The following ATXN7L1 variants were observed in gnomAD, a reference collection of about 807,000 sequenced individuals.
The protein encoded by ATXN7L1 is ataxin-7-like protein 1.
Under a neutral mutation model 70.8 loss-of-function variants are expected in ATXN7L1, and 15 were observed. The observed-to-expected ratio is 0.21, with a 90% CI of 0.14 to 0.33. The LOEUF (loss-of-function observed/expected upper bound fraction) is 0.33, where lower values mean the gene tolerates loss of function less well. ATXN7L1 is among the 10% of genes least tolerant of loss of function. The pLI is 1.00. For missense variants in ATXN7L1, 975 were observed against 1,097.1 expected, an observed-to-expected ratio of 0.89 and a Z score of 1.57; for synonymous variants, 440 against 445.1, an observed-to-expected ratio of 0.99 and a Z score of 0.14.
At chr7:105,716,008 C>A (rs961947293) in intron 3 of ATXN7L1, among the ~76,000 whole-genome samples, 1 of 151,604 alleles carries the variant, frequency 6.6e-6, no homozygotes, top group South Asian at 2.1e-4. Context: ...GGGGTGGAGG[C>A]GGGGGGGATG....
Position 105,637,838 on chromosome 7 carries a change from C to G in ATXN7L1, c.1202+515G>C, listed in dbSNP as rs553407788. 2.6e-5 allele frequency among the ~76,000 whole-genome samples: 4 copies of G among 152,274 alleles called. No homozygotes were observed. The South Asian group carries it at 8.3e-4, about 32-fold the overall frequency. ...CTGCTATGCCAATTTCCCCTTTCAT[C>G]CTGATGATAGGAGAGCGTGCAAAAC... On this transcript the variant is annotated intron_variant, in intron 7 of 11. Coordinates refer to ENST00000419735, the MANE Select transcript of ATXN7L1 (RefSeq NM_020725.2).
At chr7:105,774,539 G>C (rs1047013431) in intron 3 of ATXN7L1, among the ~76,000 whole-genome samples, 5 of 151,964 alleles carry the variant, frequency 3.3e-5, no homozygotes, top group Admixed American at 3.3e-4. Flanking sequence ...TTTTAGTAGA[G>C]ACGGGGTTTT....
At chr7:105,847,803 T>C (rs984497101) in intron 2 of ATXN7L1, among the ~76,000 whole-genome samples, 1 of 152,250 alleles carries the variant, frequency 6.6e-6, no homozygotes, top group Non-Finnish European at 1.5e-5. Context: ...GTTCAGTAAA[T>C]GGTAGTTTTT....
At chr7:105,675,181 C>T (rs1015073964) in intron 3 of ATXN7L1, among the ~76,000 whole-genome samples, 3 of 152,096 alleles carry the variant, frequency 2.0e-5, no homozygotes, top group African/African-American at 7.2e-5. Context: ...CTACAAGCAA[C>T]CTGAATAATC....
intron 2 of ATXN7L1, among the ~76,000 whole-genome samples, chr7:105,796,853 A>T (rs920422501): frequency 1.3e-5 from 2 of 152,076 alleles, no homozygotes; most frequent in African/African-American, 4.8e-5. Context: ...CAATTCTAAA[A>T]TCTCCTTAAA....
intron 4 of ATXN7L1, 72 bp from the exon 5 acceptor site, chr7:105,643,193 G>A (rs1798512261): frequency 6.4e-6 from 9 of 1,400,132 alleles, no homozygotes; most frequent in South Asian, 6.1e-5. Flanking sequence ...AACCATACCC[G>A]CTTATCATTA....
At chr7:105,665,368 C>T in intron 3 of ATXN7L1, 80 bp from the exon 4 acceptor site, 4 of 1,184,168 alleles carry the variant, frequency 3.4e-6, no homozygotes, top group Non-Finnish European at 4.9e-6. Context: ...CACTCAAACA[C>T]ACAACAGGCG....
intron 3 of ATXN7L1, among the ~76,000 whole-genome samples, chr7:105,737,528 C>CGTGT (rs71520935): frequency 0.11 from 15,740 of 148,280 alleles, 878 homozygotes; most frequent in Non-Finnish European, 0.13. Flanking sequence ...CTAACGTCCC[C>CGTGT]GTGTGTGTGT....
chr7:105,727,636 T>C (rs979311232), intron 3 of ATXN7L1, among the ~76,000 whole-genome samples: 2 of 135,458 alleles, frequency 1.5e-5, no homozygotes, highest in African/African-American at 5.7e-5. Flanking sequence ...GCCATTGCAC[T>C]CCAGCCTGGG....
chr7:105,868,057 A>G (rs947943010), intron 2 of ATXN7L1, among the ~76,000 whole-genome samples: 2 of 152,308 alleles, frequency 1.3e-5, no homozygotes, highest in Middle Eastern at 3.4e-3. Flanking sequence ...TAGGTTCAGA[A>G]CAGTCTATAT....
intron 2 of ATXN7L1, among the ~76,000 whole-genome samples, chr7:105,796,979 G>T (rs537461356): frequency 6.6e-6 from 1 of 152,100 alleles, no homozygotes; most frequent in Non-Finnish European, 1.5e-5. Context: ...CTGTTTCTCA[G>T]ATCTCTGGAA....
At chr7:105,649,436 C>T in intron 4 of ATXN7L1, 1 of 987,712 alleles carries the variant, frequency 1.0e-6, no homozygotes, top group Non-Finnish European at 1.2e-6. Flanking sequence ...CTTTAGTTGC[C>T]CACGTCTTCT....
rs114473599 is a variant in ATXN7L1 at position 105,809,199 on chromosome 7, A to C, written c.251-20491T>G. Among the ~76,000 whole-genome samples, 433 of 152,324 alleles carry C rather than the reference A, an allele frequency of 2.8e-3. 2 individuals are homozygous for C. Among genetic ancestry groups the C allele is most frequent in the African/African-American group, 9.6e-3 (401 of 41,582 alleles). ...TGGGTAAGTCCCTTAACCTTGAGAA[A>C]ATTCAATAAAACAAAGGGTTAGTGA... On this transcript the variant is annotated intron_variant, in intron 2 of 11. Transcript: ENST00000419735.
chr7:105,715,360 C>T (rs1422452009), intron 3 of ATXN7L1, among the ~76,000 whole-genome samples: 2 of 152,236 alleles, frequency 1.3e-5, no homozygotes, highest in African/African-American at 4.8e-5. Context: ...AAGTGCTGTG[C>T]TCCATATCTA....
intron 3 of ATXN7L1, among the ~76,000 whole-genome samples, chr7:105,676,115 C>T (rs1222643572): frequency 6.6e-6 from 1 of 152,152 alleles, no homozygotes. Context: ...AGGCAAGCTG[C>T]TGCCCGAAGG....
chr7:105,739,369 G>T (rs1797760953), intron 3 of ATXN7L1, among the ~76,000 whole-genome samples: 1 of 152,234 alleles, frequency 6.6e-6, no homozygotes, highest in Admixed American at 6.5e-5. Context: ...CAGGTGAGTT[G>T]CATGTACCCT....
intron 2 of ATXN7L1, among the ~76,000 whole-genome samples, chr7:105,805,178 T>C (rs1221522785): frequency 6.6e-6 from 1 of 152,094 alleles, no homozygotes; most frequent in Non-Finnish European, 1.5e-5. Flanking sequence ...TAAAGTGACA[T>C]GATTAAACAG....
At chr7:105,732,065 C>T (rs577443563) in intron 3 of ATXN7L1, among the ~76,000 whole-genome samples, 3 of 152,056 alleles carry the variant, frequency 2.0e-5, no homozygotes, top group Admixed American at 6.5e-5. Flanking sequence ...TGTACTCCAG[C>T]GTGGGGGACA....
intron 3 of ATXN7L1, among the ~76,000 whole-genome samples, chr7:105,729,970 C>A (rs971681194): frequency 6.6e-6 from 1 of 152,104 alleles, no homozygotes; most frequent in Non-Finnish European, 1.5e-5. Context: ...ATCTCCTGAC[C>A]TAGTGATCCG....
Sources: gnomAD v4.1 joint callset for allele counts (sites outside exome capture counted in the v4.1 genomes callset) on GRCh38, gnomAD v4.1.1 for gene constraint, MANE v1.5 for transcripts, NCBI Gene and HGNC (gene_info 2026-07-23, HGNC 2026-07-21) for gene names.